The following TCF3 variants were observed in gnomAD, a reference collection of about 807,000 sequenced individuals.
TCF3 encodes the protein transcription factor E2-alpha.
In TCF3, 54 loss-of-function variants were observed where a neutral mutation model predicts 72.3. That is an observed-to-expected ratio of 0.75 (90% confidence interval 0.60 to 0.94). The LOEUF (loss-of-function observed/expected upper bound fraction) is 0.94. Ranked by LOEUF, TCF3 falls within the 40% of genes least tolerant of loss-of-function variation. TCF3 has a pLI of 0.00. For synonymous variants in TCF3, 525 were observed against 412.6 expected (o/e 1.27, Z -3.30); for missense variants, 1,078 against 934.4 (o/e 1.15, Z -2.00).
chr19:1,616,057 A>G (rs1333017109), intron 16 of TCF3, among the ~76,000 whole-genome samples: 1 of 152,242 alleles, frequency 6.6e-6, no homozygotes, highest in East Asian at 1.9e-4. Flanking sequence ...CCACCTTTGG[A>G]ACAAAGTGTG....
chr19:1,613,443 G>A (rs1458987239), intron 18 of TCF3, among the ~76,000 whole-genome samples: 1 of 152,128 alleles, frequency 6.6e-6, no homozygotes, highest in Non-Finnish European at 1.5e-5. Context: ...TGCTCACTCT[G>A]TGGGCCCCAG....
In TCF3 at chr19:1,631,804, T is replaced by C. The variant is rs974953102; in HGVS notation, c.298+234A>G. ...GAAGTGGGGTCTGGAACGGCCTCCC[T>C]GCCTCTACGCTCAGGCGGGGAAGCC... is the stretch of plus-strand genomic sequence containing the variant. On this transcript the variant is annotated intron_variant, in intron 5 of 18. Coordinates refer to ENST00000262965, the MANE Select transcript of TCF3 (RefSeq NM_003200.5). 5 of 1,122,878 alleles carry C rather than the reference T, an allele frequency of 4.5e-6. No homozygotes were observed. The African/African-American group carries it at 7.7e-5, about 17-fold the overall frequency. 69.6% of individuals were successfully genotyped at this position (1,122,878 alleles called of 1,614,324 possible). A position where few individuals can be genotyped will look rare whatever the true frequency, so the allele number is the denominator to read the frequency against.
intron 6 of TCF3, among the ~76,000 whole-genome samples, chr19:1,625,941 C>A (rs1241038818): frequency 1.3e-5 from 2 of 152,216 alleles, no homozygotes; most frequent in Admixed American, 6.5e-5. Flanking sequence ...GAAACAGATA[C>A]CAGTGTGGCC....
intron 16 of TCF3, among the ~76,000 whole-genome samples, chr19:1,617,833 C>T (rs546889277): frequency 3.9e-5 from 6 of 152,314 alleles, no homozygotes; most frequent in African/African-American, 1.4e-4. Context: ...GAGCAGCATC[C>T]CTGGCCCCCA....
chr19:1,634,978 GAA>G (rs1263241539), intron 3 of TCF3, among the ~76,000 whole-genome samples: 3 of 152,192 alleles, frequency 2.0e-5, no homozygotes, highest in Admixed American at 2.0e-4. Context: ...CCTTGATACA[GAA>G]AAAGACTGTC....
chr19:1,646,330 C>T (rs1351661199), intron 3 of TCF3, 25 bp downstream of exon 3: 7 of 1,549,166 alleles, frequency 4.5e-6, no homozygotes, highest in South Asian at 2.4e-5. Flanking sequence ...ACTCCACGAG[C>T]GCTGGCAGGA....
At chr19:1,646,689 G>A (rs1370632287) in intron 2 of TCF3, among the ~76,000 whole-genome samples, 2 of 152,206 alleles carry the variant, frequency 1.3e-5, no homozygotes, top group African/African-American at 2.4e-5. Flanking sequence ...GTACCGCCAG[G>A]CAGAGTCCCT....
intron 13 of TCF3, among the ~76,000 whole-genome samples, 166 bp from the exon 14 acceptor site, chr19:1,620,019 C>T (rs1451397268): frequency 4.6e-5 from 7 of 152,190 alleles, no homozygotes; most frequent in Non-Finnish European, 8.8e-5. Flanking sequence ...CTCGGCCCCG[C>T]CAGGCAGGGA....
At chr19:1,626,575 CG>C (rs1267902767) in intron 6 of TCF3, among the ~76,000 whole-genome samples, 9 of 152,178 alleles carry the variant, frequency 5.9e-5, no homozygotes, top group African/African-American at 2.2e-4. Flanking sequence ...GTGGCCACCG[CG>C]GGGCTCGATG....
intron 3 of TCF3, among the ~76,000 whole-genome samples, chr19:1,644,128 G>A (rs565145856): frequency 1.1e-4 from 17 of 152,366 alleles, no homozygotes; most frequent in East Asian, 9.6e-4. Context: ...AGCAGGAAGC[G>A]GGGAAATGAG....
At chr19:1,643,227 C>T (rs965962281) in intron 3 of TCF3, among the ~76,000 whole-genome samples, 9 of 151,958 alleles carry the variant, frequency 5.9e-5, no homozygotes, top group East Asian at 1.9e-4. Context: ...TTTTTTGTTT[C>T]GTTTCTGTTT....
rs767366520 is a variant in TCF3, at chr19:1,621,005, G to T, written c.1056C>A (p.Ser352Arg). The change falls in exon 13 of 19, where the codon AGC becomes AGA. Residue 352 changes from serine (S) to arginine (R), a missense_variant. Coordinates refer to ENST00000262965, the MANE Select transcript of TCF3 (RefSeq NM_003200.5). ...PDHSSNNFSS[S>R]PSTPVGSPQG... is the part of the protein sequence containing the mutation. The stretch of plus-strand genomic sequence containing the variant: ...GGGGGGAGCCCACGGGGGTAGAAGG[G>T]CTGGACGAGAAGTTATTGCTTGAGT... 6.6e-7 allele frequency: 1 copy of T among 1,520,640 alleles called. No individual in the cohort carries two copies. Among genetic ancestry groups the T allele is most frequent in the Non-Finnish European group, 8.8e-7 (1 of 1,134,570 alleles). 94.2% of individuals were successfully genotyped at this position (1,520,640 alleles called of 1,614,324 possible).
At chr19:1,638,012 C>G (rs2064692566) in intron 3 of TCF3, among the ~76,000 whole-genome samples, 1 of 152,216 alleles carries the variant, frequency 6.6e-6, no homozygotes, top group African/African-American at 2.4e-5. Flanking sequence ...AACGAGAAGA[C>G]TGTCTTAAGC....
Position 1,621,021 on chromosome 19 carries a change from T to G in TCF3, c.1040A>C (p.Asn347Thr), listed in dbSNP as rs1369361815. 1 of 1,521,990 alleles carries G rather than the reference T, an allele frequency of 6.6e-7. No individual in the cohort carries two copies. Among genetic ancestry groups the G allele is most frequent in the Non-Finnish European group, 8.8e-7 (1 of 1,132,366 alleles). The allele number at this position is 1,521,990 out of a possible 1,614,324, so 94.3% of individuals were successfully genotyped here. A position where few individuals can be genotyped will look rare whatever the true frequency, so the allele number is the denominator to read the frequency against. Reference protein sequence around the residue: ...ASIYSPDHSSNNFSSSPSTPV... With the variant: ...ASIYSPDHSSTNFSSSPSTPV... ...GGTAGAAGGGCTGGACGAGAAGTTA[T>G]TGCTTGAGTGATCCGGGGAGTAGAT... Residue 347 changes from asparagine to threonine, a missense_variant, in exon 13 of 19, where the codon AAT becomes ACT. Coordinates refer to ENST00000262965, the MANE Select transcript of TCF3 (RefSeq NM_003200.5).
intron 5 of TCF3, among the ~76,000 whole-genome samples, chr19:1,629,442 G>A (rs953871433): frequency 5.3e-5 from 8 of 152,176 alleles, no homozygotes; most frequent in Non-Finnish European, 1.2e-4. Flanking sequence ...ACAAAGGACA[G>A]GTGAGGCCTC....
chr19:1,643,584 T>C (rs1017811113), intron 3 of TCF3, among the ~76,000 whole-genome samples: 4 of 152,004 alleles, frequency 2.6e-5, no homozygotes, highest in East Asian at 1.9e-4. Flanking sequence ...GGCTCAAACA[T>C]AGCTCACTGC....
At chr19:1,620,831 C>T (rs963252865) in intron 13 of TCF3, 137 bp downstream of exon 13, 2 of 905,926 alleles carry the variant, frequency 2.2e-6, no homozygotes, top group East Asian at 3.2e-5. Context: ...TCCCTCCCCG[C>T]TGCCTGCCTA....
intron 2 of TCF3, among the ~76,000 whole-genome samples, chr19:1,649,254 G>A (rs1268462359): frequency 6.6e-6 from 1 of 152,230 alleles, no homozygotes; most frequent in Non-Finnish European, 1.5e-5. Context: ...CCTGGCCCAA[G>A]CTCGGCTTCT....
intron 1 of TCF3, chr19:1,651,460 G>A (rs1427615160): frequency 4.4e-6 from 1 of 225,742 alleles, no homozygotes; most frequent in Non-Finnish European, 8.8e-6. Flanking sequence ...TTTTTTTGAG[G>A]ACTACGAAAC....
Sources: allele counts gnomAD v4.1 joint callset (sites outside exome capture counted in the v4.1 genomes callset), GRCh38; gene constraint gnomAD v4.1.1; transcripts MANE v1.5; gene names NCBI Gene and HGNC (gene_info 2026-07-23, HGNC 2026-07-21).